ZNF138: variants seen among roughly 807,000 people sequenced by gnomAD.
ZNF138 encodes the protein zinc finger protein 138.
A neutral mutation model predicts 33.0 loss-of-function variants in ZNF138; 33 were observed. The ratio of observed to expected loss-of-function variants is 1.00; its 90% CI spans 0.76 to 1.34. The LOEUF is 1.34. Ranked by LOEUF, ZNF138 falls within the 40% of genes most tolerant of loss-of-function variation. The pLI is 0.00. For missense variants in ZNF138, 360 were observed against 370.8 expected, an observed-to-expected ratio of 0.97 and a Z score of 0.24; for synonymous variants, 139 against 120.4, an observed-to-expected ratio of 1.15 and a Z score of -1.01.
chr7:64,837,568 G>T (rs956484176), downstream of ZNF138, among the ~76,000 whole-genome samples: 1 of 152,176 alleles, frequency 6.6e-6, no homozygotes, highest in Non-Finnish European at 1.5e-5. Context: ...AGCCACGCGA[G>T]GGCAAAGGGA....
intron 3 of ZNF138, among the ~76,000 whole-genome samples, chr7:64,830,785 T>C (rs1183564355): frequency 1.3e-5 from 2 of 152,208 alleles, no homozygotes; most frequent in African/African-American, 4.8e-5. Context: ...TGGCAAAGTC[T>C]GAGACCATTT....
intron 1 of ZNF138, 129 bp downstream of exon 1, chr7:64,794,700 A>G: frequency 2.9e-6 from 4 of 1,391,850 alleles, no homozygotes; most frequent in Non-Finnish European, 3.0e-6. Context: ...AGTTCTTGGC[A>G]CAGCTCGGCC....
At chr7:64,815,433 T>C (rs1056665761) in intron 2 of ZNF138, 143 bp from the exon 3 acceptor site, 20 of 583,312 alleles carry the variant, frequency 3.4e-5, no homozygotes, top group Non-Finnish European at 5.0e-5. Context: ...TTCTGTTATA[T>C]ATTAGCATTT....
chr7:64,825,821 G>A (rs1789562314), intron 3 of ZNF138, among the ~76,000 whole-genome samples: 1 of 151,340 alleles, frequency 6.6e-6, no homozygotes. Flanking sequence ...ACAGGCATGA[G>A]CCCCCGCGCC....
At chr7:64,809,625 G>A (rs1787956247) in intron 1 of ZNF138, among the ~76,000 whole-genome samples, 1 of 149,908 alleles carries the variant, frequency 6.7e-6, no homozygotes, top group Non-Finnish European at 1.5e-5. Context: ...CCCAGACGGG[G>A]TGGCTGCCGG....
chr7:64,823,740 C>T (rs1251655615), intron 3 of ZNF138, among the ~76,000 whole-genome samples: 3 of 152,104 alleles, frequency 2.0e-5, no homozygotes, highest in Non-Finnish European at 2.9e-5. Context: ...GAGTTTGAGC[C>T]CAGCCTGGCC....
chr7:64,852,926 A>G, the ZNF138 span: 3 of 1,187,912 alleles, frequency 2.5e-6, no homozygotes, highest in Non-Finnish European at 3.8e-6. Context: ...AAAACCTTGG[A>G]TAATCAGAGG....
At chr7:64,839,531 T>A in the ZNF138 span, among the ~76,000 whole-genome samples, 1 of 152,070 alleles carries the variant, frequency 6.6e-6, no homozygotes, top group Admixed American at 6.5e-5. Context: ...CGGACTGGCC[T>A]TCCCTTGAGG....
chr7:64,831,153 T>C, intron 3 of ZNF138: 1 of 1,509,500 alleles, frequency 6.6e-7, no homozygotes, highest in Non-Finnish European at 8.9e-7. Flanking sequence ...CACTATGTTA[T>C]ATCGGGGAAC....
At chr7:64,805,824 GT>G (rs1787551061) in intron 1 of ZNF138, among the ~76,000 whole-genome samples, 1 of 152,194 alleles carries the variant, frequency 6.6e-6, no homozygotes, top group African/African-American at 2.4e-5. Flanking sequence ...GATGTGAAAA[GT>G]TTATTTTGTC....
chr7:64,847,287 A>T, the ZNF138 span, among the ~76,000 whole-genome samples: 1 of 148,186 alleles, frequency 6.7e-6, no homozygotes, highest in Non-Finnish European at 1.5e-5. Flanking sequence ...AGCATGGCTT[A>T]CATGGTGAAA....
the ZNF138 span, among the ~76,000 whole-genome samples, chr7:64,849,846 C>A: frequency 6.6e-6 from 1 of 152,204 alleles, no homozygotes; most frequent in South Asian, 2.1e-4. Context: ...AGTGAGGGAA[C>A]AGAGCTAAGA....
intron 1 of ZNF138, among the ~76,000 whole-genome samples, chr7:64,798,211 G>C (rs1297295305): frequency 1.3e-5 from 2 of 152,198 alleles, no homozygotes; most frequent in Admixed American, 1.3e-4. Flanking sequence ...AAAGTGCTGG[G>C]ATTACAGGCG....
chr7:64,845,673 T>C, the ZNF138 span, among the ~76,000 whole-genome samples: 2 of 152,234 alleles, frequency 1.3e-5, no homozygotes, highest in African/African-American at 2.4e-5. Flanking sequence ...TCCCTGATTA[T>C]TAGTGATGTT....
chr7:64,808,467 A>T (rs1393020491), intron 1 of ZNF138, among the ~76,000 whole-genome samples: 5 of 152,090 alleles, frequency 3.3e-5, no homozygotes, highest in Non-Finnish European at 7.3e-5. Context: ...TTGGCATAAT[A>T]AATAGATGTG....
intron 3 of ZNF138, among the ~76,000 whole-genome samples, chr7:64,823,124 C>T (rs1203498611): frequency 1.3e-5 from 2 of 152,134 alleles, no homozygotes; most frequent in Admixed American, 6.5e-5. Context: ...AGGTGATCCG[C>T]CCACCTCGGC....
chr7:64,851,496 A>T, the ZNF138 span, among the ~76,000 whole-genome samples: 1 of 152,218 alleles, frequency 6.6e-6, no homozygotes, highest in Non-Finnish European at 1.5e-5. Context: ...TGATTTTAAG[A>T]AAACAAAAGG....
the ZNF138 span, among the ~76,000 whole-genome samples, chr7:64,851,826 G>A: frequency 2.0e-5 from 3 of 152,120 alleles, no homozygotes; most frequent in African/African-American, 4.8e-5. Context: ...AGCACTTGCC[G>A]TGTTGAACTG....
intron 3 of ZNF138, among the ~76,000 whole-genome samples, chr7:64,820,038 A>C (rs554743497): frequency 8.0e-4 from 17 of 21,334 alleles, no homozygotes; most frequent in Admixed American, 3.2e-3. Context: ...GTGCCACTGC[A>C]CTCCAGCTCA....
Sources: gnomAD v4.1 joint callset for allele counts (sites outside exome capture counted in the v4.1 genomes callset) on GRCh38, gnomAD v4.1.1 for gene constraint, MANE v1.5 for transcripts, NCBI Gene and HGNC (gene_info 2026-07-23, HGNC 2026-07-21) for gene names.